Variants in ZNF704 observed in about 807,000 individuals in gnomAD.
The protein encoded by ZNF704 is glucocorticoid induced gene 1.
In ZNF704, 10 loss-of-function variants were observed where a neutral mutation model predicts 44.7. The observed-to-expected ratio is 0.22, with a 90% CI of 0.14 to 0.38. ZNF704 has a LOEUF of 0.38. ZNF704 is among the 10% of genes least tolerant of loss of function. The pLI is 1.00. For missense variants in ZNF704, 390 were observed against 545.5 expected (o/e 0.71, Z 2.84); for synonymous variants, 211 against 207.6 (o/e 1.02, Z -0.14).
chr8:80,652,860 A>G (rs1817945799), intron 7 of ZNF704, among the ~76,000 whole-genome samples: 1 of 152,204 alleles, frequency 6.6e-6, no homozygotes, highest in Admixed American at 6.5e-5. Flanking sequence ...GCAGAGACAC[A>G]ACAAAAAAAG....
upstream of ZNF704, among the ~76,000 whole-genome samples, chr8:80,877,338 G>T (rs902756783): frequency 6.6e-6 from 1 of 152,200 alleles, no homozygotes; most frequent in Non-Finnish European, 1.5e-5. Flanking sequence ...GTCTAGGCAA[G>T]TGCAGGCCAC....
At chr8:80,656,505 T>C (rs562046014) in intron 7 of ZNF704, among the ~76,000 whole-genome samples, 1 of 152,242 alleles carries the variant, frequency 6.6e-6, no homozygotes, top group Admixed American at 6.5e-5. Flanking sequence ...TAATTAAGGA[T>C]GTTCTCTTTC....
intron 2 of ZNF704, among the ~76,000 whole-genome samples, chr8:80,779,840 C>T (rs1386713073): frequency 6.6e-6 from 1 of 151,220 alleles, no homozygotes; most frequent in Admixed American, 6.6e-5. Context: ...TTTAGAATTA[C>T]TTTTCTTAAT....
chr8:80,871,705 G>T (rs1328224246), intron 1 of ZNF704, among the ~76,000 whole-genome samples: 1 of 152,208 alleles, frequency 6.6e-6, no homozygotes, highest in African/African-American at 2.4e-5. Context: ...ATGAATGCAT[G>T]AATATATGTA....
At chr8:80,849,962 G>A (rs1316667366) in intron 1 of ZNF704, among the ~76,000 whole-genome samples, 2 of 152,150 alleles carry the variant, frequency 1.3e-5, no homozygotes, top group African/African-American at 4.8e-5. Flanking sequence ...ATAACACTGA[G>A]ATTCCATTAA....
chr8:80,863,038 T>C (rs1809095873), intron 1 of ZNF704, among the ~76,000 whole-genome samples: 1 of 151,332 alleles, frequency 6.6e-6, no homozygotes, highest in Admixed American at 6.6e-5. Flanking sequence ...GTTGTCCATT[T>C]CCCCCCCTTT....
At chr8:80,806,305 T>C (rs909790794) in intron 2 of ZNF704, among the ~76,000 whole-genome samples, 1 of 152,188 alleles carries the variant, frequency 6.6e-6, no homozygotes, top group African/African-American at 2.4e-5. Context: ...ATGCTCAAAA[T>C]TCTTTTTGCT....
chr8:80,647,881 G>T (rs1817857746), intron 7 of ZNF704, among the ~76,000 whole-genome samples: 1 of 152,182 alleles, frequency 6.6e-6, no homozygotes, highest in Non-Finnish European at 1.5e-5. Flanking sequence ...GACATGGATT[G>T]TCTTCAGCGG....
At chr8:80,796,676 C>G (rs1218926166) in intron 2 of ZNF704, among the ~76,000 whole-genome samples, 1 of 152,072 alleles carries the variant, frequency 6.6e-6, no homozygotes. Flanking sequence ...AATGGCAGGA[C>G]AGGCATAGAG....
At chr8:80,716,593 T>C in intron 2 of ZNF704, among the ~76,000 whole-genome samples, 1 of 152,262 alleles carries the variant, frequency 6.6e-6, no homozygotes, top group East Asian at 1.9e-4. Flanking sequence ...GGATCTGATC[T>C]ACAGAAAGTT....
chr8:80,843,073 A>G, intron 1 of ZNF704, among the ~76,000 whole-genome samples: 1 of 152,342 alleles, frequency 6.6e-6, no homozygotes, highest in South Asian at 2.1e-4. Flanking sequence ...ACGATGTAGA[A>G]GATATTATTT....
intron 2 of ZNF704, among the ~76,000 whole-genome samples, chr8:80,752,493 C>T (rs896868082): frequency 1.3e-5 from 2 of 151,596 alleles, no homozygotes; most frequent in Non-Finnish European, 2.9e-5. Context: ...TTGAGCCAAG[C>T]TCTTTATAAT....
chr8:80,653,464 A>T (rs1291188504), intron 7 of ZNF704, among the ~76,000 whole-genome samples: 1 of 152,248 alleles, frequency 6.6e-6, no homozygotes, highest in African/African-American at 2.4e-5. Context: ...AAGTAACTTC[A>T]GCAAAGTCTC....
intron 7 of ZNF704, among the ~76,000 whole-genome samples, chr8:80,648,607 A>T (rs1817868393): frequency 6.6e-6 from 1 of 152,192 alleles, no homozygotes; most frequent in Non-Finnish European, 1.5e-5. Flanking sequence ...TACATCTTAC[A>T]GATAGAGAAA....
chr8:80,827,838 G>A (rs371994695), intron 1 of ZNF704, among the ~76,000 whole-genome samples: 2 of 152,266 alleles, frequency 1.3e-5, no homozygotes, highest in South Asian at 4.1e-4. Context: ...TCCCTATTTA[G>A]TAAATGGTGC....
At chr8:80,879,234 A>G (rs1211465182), upstream of ZNF704, among the ~76,000 whole-genome samples, 1 of 100,560 alleles carries the variant, frequency 9.9e-6, no homozygotes, top group African/African-American at 4.0e-5. Flanking sequence ...TAAGAAATGC[A>G]TGTCAATTTT....
In ZNF704 at chr8:80,638,303, A is replaced by C. The variant is rs190319978; in HGVS notation, c.*3063T>G. 3.7e-4 allele frequency: 57 copies of C among 152,356 alleles called. No individual in the cohort carries two copies. Among genetic ancestry groups the C allele is most frequent in the Admixed American group, 3.0e-3 (46 of 15,304 alleles). The allele number at this position is 152,356 out of a possible 1,614,324, so 9.4% of individuals were successfully genotyped here. ...TGAAGGCTGGGGTGTCAAAGGATAA[A>C]AAAAAAATCAAAAGGCTACATCATG... On this transcript the variant is annotated 3_prime_UTR_variant, in exon 9 of 9. Coordinates refer to ENST00000327835, the MANE Select transcript of ZNF704 (RefSeq NM_001033723.3).
intron 2 of ZNF704, among the ~76,000 whole-genome samples, chr8:80,746,939 T>C (rs1021997416): frequency 6.6e-6 from 1 of 152,206 alleles, no homozygotes; most frequent in African/African-American, 2.4e-5. Context: ...CTTCATAATA[T>C]AAAGCAGCAC....
intron 4 of ZNF704, among the ~76,000 whole-genome samples, chr8:80,676,871 C>T (rs1818375497): frequency 6.6e-6 from 1 of 152,178 alleles, no homozygotes; most frequent in Non-Finnish European, 1.5e-5. Flanking sequence ...GGCTGTTGAC[C>T]TGCAGGAGGC....
Sources: gnomAD v4.1 joint callset for allele counts (sites outside exome capture counted in the v4.1 genomes callset) on GRCh38, gnomAD v4.1.1 for gene constraint, MANE v1.5 for transcripts, NCBI Gene and HGNC (gene_info 2026-07-23, HGNC 2026-07-21) for gene names.